MAML3: variants seen among roughly 807,000 people sequenced by gnomAD.
The protein encoded by MAML3 is mastermind-like protein 3.
In MAML3, 27 loss-of-function variants were observed where a neutral mutation model predicts 101.9. The ratio of observed to expected loss-of-function variants is 0.27; its 90% CI spans 0.20 to 0.37. MAML3 has a LOEUF of 0.37. Among genes scored for constraint, MAML3 ranks in the 10% least tolerant of loss-of-function variants. The pLI, the probability that MAML3 is intolerant of heterozygous loss-of-function variation, is 1.00. For synonymous variants in MAML3, 501 were observed against 555.9 expected (o/e 0.90, Z 1.39); for missense variants, 1,316 against 1,444.9 (o/e 0.91, Z 1.45).
At chr4:139,727,925 C>T (rs1560771669) in intron 3 of MAML3, among the ~76,000 whole-genome samples, 1 of 152,144 alleles carries the variant, frequency 6.6e-6, no homozygotes, top group African/African-American at 2.4e-5. Context: ...AAACGAAAAA[C>T]TGAGAGCTGG....
chr4:139,941,725 G>A (rs904540859), intron 1 of MAML3, among the ~76,000 whole-genome samples: 1 of 152,142 alleles, frequency 6.6e-6, no homozygotes, highest in Non-Finnish European at 1.5e-5. Flanking sequence ...ACCTTGTTAG[G>A]AGCAAGACAG....
chr4:139,911,057 C>G (rs1251167448), intron 1 of MAML3, among the ~76,000 whole-genome samples: 2 of 152,160 alleles, frequency 1.3e-5, no homozygotes, highest in African/African-American at 4.8e-5. Context: ...CCTCTCCATT[C>G]CCCGGACTCT....
At chr4:140,015,765 C>A in intron 1 of MAML3, among the ~76,000 whole-genome samples, 1 of 152,126 alleles carries the variant, frequency 6.6e-6, no homozygotes, top group East Asian at 1.9e-4. Context: ...ACCAGCCTAG[C>A]CAACATGGTG....
At chr4:140,087,707 G>A (rs1371312507) in intron 1 of MAML3, among the ~76,000 whole-genome samples, 1 of 151,918 alleles carries the variant, frequency 6.6e-6, no homozygotes. Context: ...TCCTAATGAG[G>A]GTGTGTACTT....
intron 1 of MAML3, among the ~76,000 whole-genome samples, chr4:140,119,671 C>T: frequency 7.4e-6 from 1 of 134,784 alleles, no homozygotes; most frequent in Non-Finnish European, 1.6e-5. Context: ...CCAGGCTATA[C>T]AGCACGGTGG....
At chr4:139,779,994 G>T (rs930315202) in intron 2 of MAML3, among the ~76,000 whole-genome samples, 9 of 152,158 alleles carry the variant, frequency 5.9e-5, no homozygotes. Flanking sequence ...CTGTTCCCTC[G>T]CCCCTAGGCC....
At chr4:140,123,940 T>C (rs1014969622) in intron 1 of MAML3, among the ~76,000 whole-genome samples, 2 of 152,132 alleles carry the variant, frequency 1.3e-5, no homozygotes, top group African/African-American at 4.8e-5. Flanking sequence ...AATAACACTG[T>C]TTTTGCATCG....
intron 2 of MAML3, among the ~76,000 whole-genome samples, chr4:139,821,017 G>A (rs1730963464): frequency 6.6e-6 from 1 of 152,160 alleles, no homozygotes; most frequent in Non-Finnish European, 1.5e-5. Context: ...AGTATCTGGT[G>A]ACACAGTTTG....
At chr4:139,775,738 C>T (rs1020298858) in intron 2 of MAML3, among the ~76,000 whole-genome samples, 5 of 152,172 alleles carry the variant, frequency 3.3e-5, no homozygotes, top group Non-Finnish European at 4.4e-5. Flanking sequence ...CGGTATATCA[C>T]GTCAAACTGT....
intron 2 of MAML3, among the ~76,000 whole-genome samples, chr4:139,869,946 A>C (rs1168093226): frequency 6.6e-6 from 1 of 152,236 alleles, no homozygotes; most frequent in Non-Finnish European, 1.5e-5. Context: ...TTAAGAGCTC[A>C]GGTTTGGATT....
intron 2 of MAML3, among the ~76,000 whole-genome samples, chr4:139,880,939 G>A (rs2111187417): frequency 6.6e-6 from 1 of 152,218 alleles, no homozygotes; most frequent in South Asian, 2.1e-4. Flanking sequence ...ATGGCAATAG[G>A]AATTGAGGGG....
intron 1 of MAML3, among the ~76,000 whole-genome samples, chr4:140,085,997 T>G (rs1443460899): frequency 6.6e-6 from 1 of 152,228 alleles, no homozygotes; most frequent in Admixed American, 6.5e-5. Context: ...TGAAGAAAAT[T>G]TTGGCTCTAA....
intron 2 of MAML3, chr4:139,888,689 T>C: frequency 3.9e-6 from 2 of 518,262 alleles, no homozygotes; most frequent in South Asian, 1.4e-5. Context: ...CTAAGATATA[T>C]TCACCATCAC....
At chr4:140,139,102 T>A (rs796811558) in intron 1 of MAML3, among the ~76,000 whole-genome samples, 26 of 151,782 alleles carry the variant, frequency 1.7e-4, no homozygotes, top group African/African-American at 6.0e-4. Context: ...TGAGAAACCA[T>A]CTCTACAAAA....
chr4:140,048,846 C>A (rs1384370903), intron 1 of MAML3, among the ~76,000 whole-genome samples: 2 of 152,026 alleles, frequency 1.3e-5, no homozygotes, highest in African/African-American at 4.8e-5. Flanking sequence ...AGACGATATA[C>A]GGAATACTTT....
chr4:140,072,222 T>C (rs1428831663), intron 1 of MAML3, among the ~76,000 whole-genome samples: 2 of 152,208 alleles, frequency 1.3e-5, no homozygotes, highest in Non-Finnish European at 2.9e-5. Flanking sequence ...CAACAGATAT[T>C]CCAAATATTT....
In MAML3 at chr4:139,963,510, C is replaced by A. The variant is rs147698375; in HGVS notation, c.469-72543G>T. 1.6e-4 allele frequency among the ~76,000 whole-genome samples: 24 copies of A among 152,242 alleles called. No individual in the cohort carries two copies. The East Asian group carries it at 4.6e-3, about 29-fold the overall frequency. On this transcript the variant is annotated intron_variant, in intron 1 of 4. Coordinates refer to ENST00000509479, the MANE Select transcript of MAML3 (RefSeq NM_018717.5). ...GTCTACGTGGCCGACAATGAAACAT[C>A]GGTATGAAGCAGTTGCCAACAAACA...
intron 2 of MAML3, among the ~76,000 whole-genome samples, chr4:139,750,941 G>A (rs898164264): frequency 6.6e-6 from 1 of 152,176 alleles, no homozygotes; most frequent in African/African-American, 2.4e-5. Context: ...TTTATGGGTA[G>A]TGGGAGTGGA....
intron 1 of MAML3, among the ~76,000 whole-genome samples, chr4:140,000,503 A>C (rs1250369925): frequency 6.6e-6 from 1 of 152,208 alleles, no homozygotes; most frequent in Non-Finnish European, 1.5e-5. Flanking sequence ...AAATTGGTTC[A>C]ACAACCAGAA....
Sources: gnomAD v4.1 joint callset for allele counts (sites outside exome capture counted in the v4.1 genomes callset) on GRCh38, gnomAD v4.1.1 for gene constraint, MANE v1.5 for transcripts, NCBI Gene and HGNC (gene_info 2026-07-23, HGNC 2026-07-21) for gene names.